The following SSH2 variants were observed in gnomAD, a reference collection of about 807,000 sequenced individuals.
The protein encoded by SSH2 is slingshot protein phosphatase 2.
A neutral mutation model predicts 135.2 loss-of-function variants in SSH2; 37 were observed. The observed-to-expected ratio is 0.27, with a 90% CI of 0.21 to 0.36. SSH2 has a LOEUF of 0.36. Among genes scored for constraint, SSH2 ranks in the 10% least tolerant of loss-of-function variants. SSH2 has a pLI of 1.00. For synonymous variants in SSH2, 628 were observed against 646.2 expected (o/e 0.97, Z 0.43); for missense variants, 1,408 against 1,765.3 (o/e 0.80, Z 3.63).
chr17:29,677,435 T>C (rs1285962683), intron 7 of SSH2, among the ~76,000 whole-genome samples: 1 of 152,186 alleles, frequency 6.6e-6, no homozygotes, highest in African/African-American at 2.4e-5. Flanking sequence ...GCCAACAAAC[T>C]AGTTCTTCTT....
chr17:29,871,828 G>T (rs1341455350), intron 1 of SSH2, among the ~76,000 whole-genome samples: 1 of 152,106 alleles, frequency 6.6e-6, no homozygotes, highest in East Asian at 1.9e-4. Flanking sequence ...TCTTAAAGAT[G>T]TTCATGACCT....
rs200405675 is a variant in SSH2 at position 29,796,808 on chromosome 17, C to CT, written c.145-2872dup. On this transcript the variant is annotated intron_variant, in intron 2 of 15. Transcript: ENST00000540801. ...GTATTTCTTTATAGTTTTTTCCTTT[C>CT]TTTTTTTTTTTTTGTTTAGAGATAA... is the stretch of plus-strand genomic sequence containing the variant. 5.3e-3 allele frequency among the ~76,000 whole-genome samples: 752 copies of CT among 142,856 alleles called. 2 individuals are homozygous for CT. The highest frequency in any genetic ancestry group is 0.01 in the South Asian group (46 of 4,528). The allele number at this position is 142,856 out of a possible 152,430, so 93.7% of individuals were successfully genotyped here.
chr17:29,718,626 T>G (rs1189913945), intron 3 of SSH2, among the ~76,000 whole-genome samples: 2 of 145,380 alleles, frequency 1.4e-5, no homozygotes, highest in African/African-American at 5.1e-5. Flanking sequence ...CCAGCTACTC[T>G]GGAGGCTGAG....
At chr17:29,688,507 T>C (rs2038324782) in intron 5 of SSH2, among the ~76,000 whole-genome samples, 1 of 152,066 alleles carries the variant, frequency 6.6e-6, no homozygotes, top group African/African-American at 2.4e-5. Context: ...TGTGTTTCAC[T>C]CTGTTACCCA....
At chr17:29,643,281 A>C in intron 14 of SSH2, 1 of 985,358 alleles carries the variant, frequency 1.0e-6, no homozygotes, top group Non-Finnish European at 1.2e-6. Context: ...CATAGATTGC[A>C]GACCCTAACA....
At chr17:29,703,787 C>T (rs1206079992) in intron 3 of SSH2, among the ~76,000 whole-genome samples, 2 of 152,006 alleles carry the variant, frequency 1.3e-5, no homozygotes, top group Non-Finnish European at 2.9e-5. Context: ...CCACGTTGGC[C>T]AGGCTGGTTT....
intron 11 of SSH2, among the ~76,000 whole-genome samples, chr17:29,663,968 T>C (rs1376269180): frequency 6.6e-6 from 1 of 152,356 alleles, no homozygotes; most frequent in Non-Finnish European, 1.5e-5. Context: ...ATGGGAAATC[T>C]CTATACCTTT....
chr17:29,729,282 G>A (rs2040102696), intron 3 of SSH2, among the ~76,000 whole-genome samples: 1 of 152,188 alleles, frequency 6.6e-6, no homozygotes, highest in Admixed American at 6.5e-5. Flanking sequence ...ACAGTTACAT[G>A]AAAAGGTGCT....
intron 3 of SSH2, among the ~76,000 whole-genome samples, chr17:29,755,907 C>T (rs1598944294): frequency 6.7e-6 from 1 of 149,776 alleles, no homozygotes; most frequent in South Asian, 2.1e-4. Context: ...GTGATCCACC[C>T]GCCTCGGCCT....
At chr17:29,763,598 A>C (rs2041373640) in intron 3 of SSH2, among the ~76,000 whole-genome samples, 3 of 152,048 alleles carry the variant, frequency 2.0e-5, no homozygotes, top group South Asian at 4.1e-4. Context: ...GTCAACACTA[A>C]ATGATGCCAT....
intron 3 of SSH2, among the ~76,000 whole-genome samples, chr17:29,723,088 C>T (rs767424255): frequency 6.6e-6 from 1 of 152,164 alleles, no homozygotes; most frequent in Non-Finnish European, 1.5e-5. Flanking sequence ...CTGTCAGTAG[C>T]ACTACTTAGC....
intron 1 of SSH2, among the ~76,000 whole-genome samples, chr17:29,889,021 TA>T (rs1567633361): frequency 6.9e-6 from 1 of 144,406 alleles, no homozygotes; most frequent in African/African-American, 2.6e-5. Flanking sequence ...GCATTGTATA[TA>T]AAATTTGAGT....
intron 3 of SSH2, among the ~76,000 whole-genome samples, chr17:29,743,788 A>G (rs1297716804): frequency 6.6e-6 from 1 of 152,168 alleles, no homozygotes; most frequent in Non-Finnish European, 1.5e-5. Context: ...ACTGGGTTTA[A>G]ATTCATTTGG....
intron 11 of SSH2, 127 bp from the exon 12 acceptor site, chr17:29,655,734 C>A: frequency 2.7e-6 from 2 of 741,684 alleles, no homozygotes; most frequent in South Asian, 1.6e-5. Context: ...CTTTAAGTTG[C>A]CAGGCACTTC....
intron 1 of SSH2, among the ~76,000 whole-genome samples, chr17:29,913,275 G>A (rs1249545332): frequency 3.3e-5 from 4 of 121,476 alleles, no homozygotes; most frequent in Admixed American, 3.0e-4. Flanking sequence ...CCAAGATCAC[G>A]GCACTGCACT....
At chr17:29,905,801 T>C (rs1206868234) in intron 1 of SSH2, among the ~76,000 whole-genome samples, 1 of 152,036 alleles carries the variant, frequency 6.6e-6, no homozygotes, top group Non-Finnish European at 1.5e-5. Flanking sequence ...CATGGGCCAA[T>C]CTGCATGCAC....
rs199598160 is a variant in SSH2 at position 29,795,827 on chromosome 17, C to T, written c.145-1890G>A. On this transcript the variant is annotated intron_variant, in intron 2 of 15. Transcript: ENST00000540801. ...TGCGATCTCGACTCACTGCAACCTCCACCTCCCAGGATAAAGCAATTCTCC... is the reference window on the plus strand; with the variant it reads ...TGCGATCTCGACTCACTGCAACCTCTACCTCCCAGGATAAAGCAATTCTCC... Among the ~76,000 whole-genome samples, 219 of 152,182 alleles carry T rather than the reference C, an allele frequency of 1.4e-3. 1 individual carries two copies. The highest frequency in any genetic ancestry group is 0.011 in the Admixed American group (174 of 15,272).
At chr17:29,669,140 T>C (rs1459892888) in intron 9 of SSH2, among the ~76,000 whole-genome samples, 3 of 151,972 alleles carry the variant, frequency 2.0e-5, no homozygotes, top group Non-Finnish European at 4.4e-5. Context: ...TCTTAGCTAC[T>C]TGGGAGGCTG....
At chr17:29,809,648 T>C (rs1367526200) in intron 2 of SSH2, among the ~76,000 whole-genome samples, 1 of 152,050 alleles carries the variant, frequency 6.6e-6, no homozygotes, top group African/African-American at 2.4e-5. Flanking sequence ...CTTGAACTCC[T>C]AGGTTCAAGA....
Sources: allele counts gnomAD v4.1 joint callset (sites outside exome capture counted in the v4.1 genomes callset), GRCh38; gene constraint gnomAD v4.1.1; transcripts MANE v1.5; gene names NCBI Gene and HGNC (gene_info 2026-07-23, HGNC 2026-07-21).